GLIPR1L2: variants seen among roughly 807,000 people sequenced by gnomAD.
GLIPR1L2 encodes GLIPR1 like 2.
Under a neutral mutation model 28.4 loss-of-function variants are expected in GLIPR1L2, and 21 were observed. That is an observed-to-expected ratio of 0.74 (90% CI 0.52 to 1.06). The LOEUF (loss-of-function observed/expected upper bound fraction) is 1.06, where lower values mean the gene tolerates loss of function less well. Ranked by LOEUF, GLIPR1L2 falls within the 50% of genes least tolerant of loss-of-function variation. The pLI is 0.00. For missense variants in GLIPR1L2, 476 were observed against 416.9 expected (o/e 1.14, Z -1.23); for synonymous variants, 145 against 139.3 (o/e 1.04, Z -0.29).
intron 1 of GLIPR1L2, among the ~76,000 whole-genome samples, chr12:75,405,255 A>G (rs191889820): frequency 1.6e-4 from 24 of 152,360 alleles, no homozygotes; most frequent in Admixed American, 7.2e-4. Flanking sequence ...AGGACAATAT[A>G]TGTGGCAGAC....
At chr12:75,406,863 C>T (rs558233003) in intron 1 of GLIPR1L2, among the ~76,000 whole-genome samples, 1 of 151,944 alleles carries the variant, frequency 6.6e-6, no homozygotes, top group Non-Finnish European at 1.5e-5. Context: ...TTTAGTCAGA[C>T]TTTCCTGAGC....
Position 75,430,816 on chromosome 12 carries a change from G to A in GLIPR1L2, c.698-8G>A. The A allele has an allele frequency of 6.5e-7, 1 of 1,533,300 alleles. No individual in the cohort carries two copies. Among genetic ancestry groups the A allele is most frequent in the African/African-American group, 1.4e-5 (1 of 72,896 alleles). The allele number at this position is 1,533,300 out of a possible 1,614,324, so 95.0% of individuals were successfully genotyped here. On this transcript the variant is annotated splice_polypyrimidine_tract_variant and splice_region_variant and intron_variant, in intron 5 of 5. Coordinates refer to ENST00000550916, the MANE Select transcript of GLIPR1L2 (RefSeq NM_001270396.2). ...AAATCCAGCTTTCAATTGCTTCTTT[G>A]TTTACAGATTACCGATTTTGGTATC...
At chr12:75,413,515 T>C (rs983852322) in intron 2 of GLIPR1L2, 83 bp from the exon 3 acceptor site, 2 of 753,130 alleles carry the variant, frequency 2.7e-6, no homozygotes, top group African/African-American at 1.9e-5. Flanking sequence ...AAGTTCTATG[T>C]GAATGGAATA....
chr12:75,418,471 ATTAT>A (rs1218783977), intron 3 of GLIPR1L2, among the ~76,000 whole-genome samples: 4 of 152,220 alleles, frequency 2.6e-5, no homozygotes, highest in African/African-American at 9.6e-5. Flanking sequence ...TATAGAAAAA[ATTAT>A]TTATTAAATA....
intron 4 of GLIPR1L2, among the ~76,000 whole-genome samples, chr12:75,425,228 C>G (rs1457547121): frequency 1.3e-5 from 2 of 152,052 alleles, no homozygotes; most frequent in Admixed American, 1.3e-4. Context: ...AAGGGAGAGT[C>G]TGAGCCAGTG....
chr12:75,406,393 GT>G (rs1206269015), intron 1 of GLIPR1L2, among the ~76,000 whole-genome samples: 2 of 151,732 alleles, frequency 1.3e-5, no homozygotes, highest in Non-Finnish European at 2.9e-5. Flanking sequence ...CCTTTACTTT[GT>G]TTTTTTAAAA....
chr12:75,409,828 A>C (rs976793638), intron 1 of GLIPR1L2, among the ~76,000 whole-genome samples: 1 of 147,758 alleles, frequency 6.8e-6, no homozygotes, highest in African/African-American at 2.5e-5. Flanking sequence ...TAAGATGTAT[A>C]TCTAATCCGA....
intron 4 of GLIPR1L2, among the ~76,000 whole-genome samples, chr12:75,424,507 A>T (rs1268136260): frequency 6.6e-6 from 1 of 152,156 alleles, no homozygotes; most frequent in Admixed American, 6.5e-5. Context: ...ATGCAGTGGC[A>T]TGATCATAGC....
intron 1 of GLIPR1L2, among the ~76,000 whole-genome samples, chr12:75,392,877 C>A (rs2045645832): frequency 6.6e-6 from 1 of 151,786 alleles, no homozygotes; most frequent in Non-Finnish European, 1.5e-5. Flanking sequence ...TTACCTTTTT[C>A]TTCTTTCTTG....
In GLIPR1L2 at chr12:75,431,274, A is replaced by G. The variant is rs1350369460; in HGVS notation, c.*113A>G. ...ACTGAGTTTTAACAAGAAAGAAAAT[A>G]TGCAAACCACCATTGGAATGTTTTT... is the stretch of plus-strand genomic sequence containing the variant. On this transcript the variant is annotated 3_prime_UTR_variant, in exon 6 of 6. Transcript: ENST00000550916. The G allele has an allele frequency of 1.7e-5, 10 of 585,812 alleles. No individual in the cohort carries two copies. Among genetic ancestry groups the G allele is most frequent in the South Asian group, 1.3e-4 (6 of 44,828 alleles). 36.3% of individuals were successfully genotyped at this position (585,812 alleles called of 1,614,324 possible). A position where few individuals can be genotyped will look rare whatever the true frequency, so the allele number is the denominator to read the frequency against.
At chr12:75,424,372 A>G (rs1415511333) in intron 4 of GLIPR1L2, among the ~76,000 whole-genome samples, 1 of 152,082 alleles carries the variant, frequency 6.6e-6, no homozygotes, top group Non-Finnish European at 1.5e-5. Context: ...TTCTTTTGAG[A>G]AGTGTCTGTT....
intron 1 of GLIPR1L2, 50 bp downstream of exon 1, chr12:75,391,400 G>A: frequency 1.2e-6 from 2 of 1,601,550 alleles, no homozygotes; most frequent in Non-Finnish European, 1.7e-6. Context: ...TTGCCACAAC[G>A]CCTCCCTGGA....
chr12:75,428,844 G>A (rs924981563), intron 4 of GLIPR1L2, among the ~76,000 whole-genome samples: 1 of 152,224 alleles, frequency 6.6e-6, no homozygotes, highest in African/African-American at 2.4e-5. Context: ...CCAAGCCTTG[G>A]TAGCACCTTG....
intron 1 of GLIPR1L2, 144 bp downstream of exon 1, chr12:75,391,494 A>G (rs990498202): frequency 1.2e-5 from 19 of 1,541,540 alleles, no homozygotes; most frequent in Non-Finnish European, 1.3e-5. Context: ...GTACACGTGA[A>G]GTTTACACAG....
At chr12:75,408,702 C>G (rs1002848579) in intron 1 of GLIPR1L2, among the ~76,000 whole-genome samples, 6 of 151,872 alleles carry the variant, frequency 4.0e-5, no homozygotes, top group African/African-American at 1.5e-4. Context: ...TTAAGCAAAT[C>G]TAGTTATGTT....
chr12:75,391,505 A>T, intron 1 of GLIPR1L2, 155 bp downstream of exon 1: 1 of 1,537,894 alleles, frequency 6.5e-7, no homozygotes, highest in Non-Finnish European at 8.7e-7. Flanking sequence ...GTTTACACAG[A>T]GAAAAACTGC....
At chr12:75,395,689 T>C (rs568978128) in intron 1 of GLIPR1L2, among the ~76,000 whole-genome samples, 5 of 151,948 alleles carry the variant, frequency 3.3e-5, no homozygotes, top group African/African-American at 1.2e-4. Context: ...TATAGGTCTG[T>C]TTAGATTTTC....
chr12:75,411,916 T>G (rs2139944888), intron 2 of GLIPR1L2, among the ~76,000 whole-genome samples: 1 of 152,124 alleles, frequency 6.6e-6, no homozygotes, highest in East Asian at 1.9e-4. Context: ...TTACAGATAA[T>G]TTCTGGAATG....
intron 1 of GLIPR1L2, among the ~76,000 whole-genome samples, chr12:75,397,293 C>G (rs1029748880): frequency 1.3e-5 from 2 of 151,692 alleles, no homozygotes; most frequent in Admixed American, 1.3e-4. Flanking sequence ...CCCCAGTGTC[C>G]TGTTTTCTCT....
Sources: gnomAD v4.1 joint callset for allele counts (sites outside exome capture counted in the v4.1 genomes callset) on GRCh38, gnomAD v4.1.1 for gene constraint, MANE v1.5 for transcripts, NCBI Gene and HGNC (gene_info 2026-07-23, HGNC 2026-07-21) for gene names.